The following MED16 variants were observed in gnomAD, a reference collection of about 807,000 sequenced individuals.
MED16 encodes mediator of RNA polymerase II transcription subunit 16.
Under a neutral mutation model 84.4 loss-of-function variants are expected in MED16, and 81 were observed. The ratio of observed to expected loss-of-function variants is 0.96; its 90% CI spans 0.80 to 1.15. The LOEUF (loss-of-function observed/expected upper bound fraction) is 1.15. MED16 is among the 50% of genes most tolerant of loss of function. The probability of loss-of-function intolerance (pLI) is 0.00; values close to 1 mark genes in which losing one functional copy is unlikely to be tolerated. For missense variants in MED16, 1,585 were observed against 1,245.9 expected, an observed-to-expected ratio of 1.27 and a Z score of -4.10; for synonymous variants, 897 against 552.2, an observed-to-expected ratio of 1.62 and a Z score of -8.76.
intron 8 of MED16, 150 bp from the exon 9 acceptor site, chr19:877,330 C>T (rs113099646): frequency 9.0e-5 from 65 of 724,830 alleles, no homozygotes; most frequent in African/African-American, 7.8e-4. Context: ...GTGTCTGTAG[C>T]GTCTGTACCT....
At chr19:877,904 A>G (rs2036295413) in intron 8 of MED16, among the ~76,000 whole-genome samples, 2 of 133,964 alleles carry the variant, frequency 1.5e-5, no homozygotes, top group Non-Finnish European at 1.6e-5. Context: ...CACCAGCCCC[A>G]GCCCCACGTG....
intron 9 of MED16, among the ~76,000 whole-genome samples, chr19:876,227 C>T (rs1023300447): frequency 6.6e-6 from 1 of 152,150 alleles, no homozygotes; most frequent in African/African-American, 2.4e-5. Context: ...CGTGCAGCTG[C>T]CGGCTGAGCT....
intron 9 of MED16, 32 bp downstream of exon 9, chr19:876,927 ACAGGGCCCCCACCTG>A: frequency 1.3e-6 from 2 of 1,527,716 alleles, no homozygotes; most frequent in South Asian, 2.5e-5. Flanking sequence ...CCCACCTGCC[ACAGGGCCCCCACCTG>A]CCACGGGGCC....
intron 6 of MED16, 26 bp from the exon 7 acceptor site, chr19:881,740 G>A (rs761282748): frequency 1.1e-5 from 17 of 1,603,730 alleles, no homozygotes; most frequent in Admixed American, 1.7e-5. Context: ...CAGGAAAACA[G>A]GAAGGCAATG....
At chr19:890,430 G>A (rs942595193) in intron 2 of MED16, 186 bp from the exon 3 acceptor site, 13 of 501,988 alleles carry the variant, frequency 2.6e-5, no homozygotes, top group Admixed American at 2.2e-4. Context: ...AGGCCTGTGA[G>A]GCGCCACAAC....
intron 13 of MED16, among the ~76,000 whole-genome samples, chr19:870,439 T>C (rs887892271): frequency 6.6e-6 from 1 of 151,872 alleles, no homozygotes; most frequent in Non-Finnish European, 1.5e-5. Flanking sequence ...CTCATGCCTG[T>C]AATCCCAGCT....
Position 880,057 on chromosome 19 carries a change from CG to C in MED16, c.1232del (p.Pro411ArgfsTer9), listed in dbSNP as rs1568327708. 2 of 1,611,126 alleles carry C rather than the reference CG, an allele frequency of 1.2e-6. No homozygotes were observed. Among genetic ancestry groups the C allele is most frequent in the African/African-American group, 1.3e-5 (1 of 75,050 alleles). On this transcript the variant is annotated frameshift_variant, in exon 8 of 16. Coordinates refer to ENST00000325464, the MANE Select transcript of MED16 (RefSeq NM_005481.3). LOFTEE classifies it high-confidence loss of function. ...TCATGGCCGGCTCATCCACAGGCCTCGGGGCCGCGGAGCTGTAGAAGACGGC... is the reference window on the plus strand; with the variant it reads ...TCATGGCCGGCTCATCCACAGGCCTCGGGCCGCGGAGCTGTAGAAGACGGC... ...TMAVFYSSAA[P>X]RPVDEPAMKR...
chr19:889,625 G>T lies in MED16; in HGVS notation c.447+13C>A. ...TCATCTGCCTCATCCGCTCACTCGGGCAGGACACTCACCTTCTCCACGTGC... is the reference window on the plus strand; with the variant it reads ...TCATCTGCCTCATCCGCTCACTCGGTCAGGACACTCACCTTCTCCACGTGC... On this transcript the variant is annotated intron_variant, in intron 4 of 15. Coordinates refer to ENST00000325464, the MANE Select transcript of MED16 (RefSeq NM_005481.3). The T allele has an allele frequency of 6.2e-7, 1 of 1,602,514 alleles. No individual in the cohort carries two copies. The highest frequency in any genetic ancestry group is 8.5e-7 in the Non-Finnish European group (1 of 1,171,132).
chr19:885,028 G>A lies in MED16; in HGVS notation c.880-20C>T. On this transcript the variant is annotated intron_variant, in intron 5 of 15. Coordinates refer to ENST00000325464, the MANE Select transcript of MED16 (RefSeq NM_005481.3). Reference sequence around the variant, plus strand: ...AAGCACCTGCGGGGGAGGTGGGGGTGAGGGCTGACCCGGCACTGCTGTGGT... The same window carrying A: ...AAGCACCTGCGGGGGAGGTGGGGGTAAGGGCTGACCCGGCACTGCTGTGGT... 6.4e-7 allele frequency: 1 copy of A among 1,569,604 alleles called. No homozygotes were observed. Among genetic ancestry groups the A allele is most frequent in the Non-Finnish European group, 8.6e-7 (1 of 1,160,558 alleles).
chr19:873,142 G>GGTGGGGCAGGGCTAGGAA (rs746786455), intron 11 of MED16: 17 of 294,808 alleles, frequency 5.8e-5, no homozygotes, highest in Non-Finnish European at 6.6e-5. Context: ...AGGGCTCCGA[G>GGTGGGGCAGGGCTAGGAA]GTGGGGCAGG....
rs767862722 is a variant in MED16 at position 876,997 on chromosome 19, G to A, written c.1537C>T (p.Arg513Cys). The A allele has an allele frequency of 2.1e-5, 34 of 1,605,172 alleles. No homozygotes were observed. The highest frequency in any genetic ancestry group is 1.5e-4 in the African/African-American group (11 of 73,144). Residue 513 changes from arginine to cysteine, a missense_variant, in exon 9 of 16, where the codon CGC becomes TGC. Transcript: ENST00000325464. ...LVEKLHEEYTRQTAALQQVLS... is the reference protein window; with the variant it reads ...LVEKLHEEYTCQTAALQQVLS... ...ACCTGCTGCAGGGCAGCGGTCTGGC[G>A]CGTGTACTCCTCGTGCAGCTTCTCC... is the stretch of plus-strand genomic sequence containing the variant.
chr19:890,476 C>T (rs771963884), intron 2 of MED16: 10 of 442,000 alleles, frequency 2.3e-5, no homozygotes, highest in East Asian at 7.2e-5. Context: ...AAAATGACTC[C>T]GAAATGTGAA....
rs2036494107 is a variant in MED16 at position 884,879 on chromosome 19, C to G, written c.985+24G>C. On this transcript the variant is annotated intron_variant, in intron 6 of 15. Coordinates refer to ENST00000325464, the MANE Select transcript of MED16 (RefSeq NM_005481.3). Reference sequence around the variant, plus strand: ...CCGCCCCCGAGGGCAGGCCCAGGGCCTCCGCAGCCGGCGGGAGACTCACCC... The same window carrying G: ...CCGCCCCCGAGGGCAGGCCCAGGGCGTCCGCAGCCGGCGGGAGACTCACCC... The G allele has an allele frequency of 1.9e-6, 3 of 1,580,022 alleles. No homozygotes were observed. The East Asian group carries it at 6.8e-5, about 36-fold the overall frequency.
At chr19:868,755 C>T (rs558613868) in intron 14 of MED16, 108 bp downstream of exon 14, 24 of 1,254,348 alleles carry the variant, frequency 1.9e-5, no homozygotes, top group African/African-American at 3.0e-5. Context: ...CTGGGACGTG[C>T]TCCCTCCACC....
At chr19:875,185 A>G (rs1399678803) in intron 10 of MED16, 59 bp downstream of exon 10, 6 of 1,184,460 alleles carry the variant, frequency 5.1e-6, no homozygotes, top group Non-Finnish European at 6.9e-6. Context: ...AAAAATAAAT[A>G]AAAATAAAAT....
intron 7 of MED16, among the ~76,000 whole-genome samples, chr19:881,033 G>T (rs1244439154): frequency 6.6e-6 from 1 of 152,202 alleles, no homozygotes; most frequent in Non-Finnish European, 1.5e-5. Context: ...CTGAGGAACA[G>T]CCCTGAGCCC....
At chr19:871,568 T>TAC in intron 12 of MED16, 1 of 1,594,202 alleles carries the variant, frequency 6.3e-7, no homozygotes, top group Non-Finnish European at 8.5e-7. Context: ...CCTCCTCACA[T>TAC]ACACACAACC....
At chr19:884,434 G>T (rs1024861377) in intron 6 of MED16, among the ~76,000 whole-genome samples, 1 of 152,056 alleles carries the variant, frequency 6.6e-6, no homozygotes, top group South Asian at 2.1e-4. Context: ...GGGGTGGGGG[G>T]CGTGTTCTCA....
At chr19:876,086 G>A (rs1029021607) in intron 9 of MED16, among the ~76,000 whole-genome samples, 1 of 152,182 alleles carries the variant, frequency 6.6e-6, no homozygotes, top group African/African-American at 2.4e-5. Context: ...TAGCCTCGCA[G>A]CCCCCGCCTG....
Sources: gnomAD v4.1 joint callset for allele counts (sites outside exome capture counted in the v4.1 genomes callset) on GRCh38, gnomAD v4.1.1 for gene constraint, MANE v1.5 for transcripts, NCBI Gene and HGNC (gene_info 2026-07-23, HGNC 2026-07-21) for gene names.